LST1: variants seen among roughly 807,000 people sequenced by gnomAD.
The protein encoded by LST1 is leukocyte-specific transcript 1 protein.
Under a neutral mutation model 8.5 loss-of-function variants are expected in LST1, and 9 were observed. The observed-to-expected ratio is 1.06, with a 90% CI of 0.64 to 1.85. The LOEUF is 1.85. Ranked by LOEUF, LST1 falls within the 40% of genes most tolerant of loss-of-function variation. The pLI is 0.00. For synonymous variants in LST1, 53 were observed against 50.4 expected, an observed-to-expected ratio of 1.05 and a Z score of -0.21; for missense variants, 121 against 117.1, an observed-to-expected ratio of 1.03 and a Z score of -0.16.
In LST1 at chr6:31,588,765, G is replaced by A. The variant is rs907656541; in HGVS notation, c.*89G>A. 2.1e-6 allele frequency: 3 copies of A among 1,406,124 alleles called. No individual in the cohort carries two copies. The highest frequency in any genetic ancestry group is 3.0e-6 in the Non-Finnish European group (3 of 991,908). The allele number at this position is 1,406,124 out of a possible 1,614,324, so 87.1% of individuals were successfully genotyped here. A position where few individuals can be genotyped will look rare whatever the true frequency, so the allele number is the denominator to read the frequency against. ...AAAACCATGGTCCCCCCACTTCTGT[G>A]TCTCAGTCCTCTCAGTCCATCTCGA... On this transcript the variant is annotated 3_prime_UTR_variant, in exon 5 of 5. Transcript: ENST00000438075.
intron 3 of LST1, 89 bp downstream of exon 3, chr6:31,587,822 G>A: frequency 6.6e-7 from 1 of 1,520,724 alleles, no homozygotes; most frequent in Non-Finnish European, 8.9e-7. Flanking sequence ...CCAGAACACT[G>A]CCTGGCCCTG....
At chr6:31,588,029 G>A in intron 4 of LST1, 63 bp downstream of exon 4, 1 of 1,526,046 alleles carries the variant, frequency 6.6e-7, no homozygotes, top group South Asian at 1.2e-5. Context: ...GTGGGGAGAA[G>A]CATGGCTGAG....
intron 4 of LST1, 115 bp from the exon 5 acceptor site, chr6:31,588,377 AGAGAGAGAGAGAGAGAGAGAGAGAGG>A: frequency 1.0e-5 from 5 of 499,960 alleles, no homozygotes; most frequent in Non-Finnish European, 1.7e-5. Context: ...AAGAAAAAAG[AGAGAGAGAGAGAGAGAGAGAGAGAGG>A]GAGAGAGAGA....
At chr6:31,586,697 C>A (rs1771960060) in intron 1 of LST1, 1 of 153,004 alleles carries the variant, frequency 6.5e-6, no homozygotes, top group Admixed American at 6.5e-5. Context: ...CCTCCATGCC[C>A]CACTTCAGCC....
chr6:31,588,019 G>C, intron 4 of LST1, 53 bp downstream of exon 4: 1 of 1,553,940 alleles, frequency 6.4e-7, no homozygotes, highest in South Asian at 1.2e-5. Context: ...GAGTGGGTGA[G>C]TGGGGAGAAG....
intron 4 of LST1, 40 bp from the exon 5 acceptor site, chr6:31,588,478 C>T (rs533371831): frequency 2.2e-5 from 34 of 1,556,668 alleles, no homozygotes; most frequent in Admixed American, 1.7e-4. Context: ...AAGGATCTGA[C>T]GGCATCGCCT....
chr6:31,587,476 G>T, intron 2 of LST1, 158 bp downstream of exon 2: 1 of 928,624 alleles, frequency 1.1e-6, no homozygotes, highest in South Asian at 1.4e-5. Flanking sequence ...CAGAAACCTG[G>T]TAAGAGGTGA....
At chr6:31,588,150 G>T in intron 4 of LST1, 184 bp downstream of exon 4, 1 of 602,954 alleles carries the variant, frequency 1.7e-6, no homozygotes. Context: ...GAAACCAAGA[G>T]AAAAAGTGAG....
At chr6:31,587,759 C>G (rs1474810327) in intron 3 of LST1, 26 bp downstream of exon 3, 5 of 1,541,494 alleles carry the variant, frequency 3.2e-6, no homozygotes, top group East Asian at 2.4e-5. Flanking sequence ...CCTCCCTCCC[C>G]CTGCAGCAGT....
At position 31,587,319 on chromosome 6, in the gene LST1, G is replaced by T; in HGVS notation, c.19+1G>T. On this transcript the variant is annotated splice_donor_variant, in intron 2 of 4. Coordinates refer to ENST00000438075, the MANE Select transcript of LST1 (RefSeq NM_205839.3). LOFTEE classifies it high-confidence loss of function. Reference sequence around the variant, plus strand: ...GACCTAATGTTATCGCGGAATGATGGTAAGTAAAGTGTCTCTTGCATCTGC... The same window carrying T: ...GACCTAATGTTATCGCGGAATGATGTTAAGTAAAGTGTCTCTTGCATCTGC... 6.2e-7 allele frequency: 1 copy of T among 1,613,306 alleles called. No individual in the cohort carries two copies. Among genetic ancestry groups the T allele is most frequent in the South Asian group, 1.1e-5 (1 of 91,064 alleles).
Position 31,587,333 on chromosome 6 carries a change from T to C in LST1, c.19+15T>C, listed in dbSNP as rs908657457. On this transcript the variant is annotated intron_variant, in intron 2 of 4. Coordinates refer to ENST00000438075, the MANE Select transcript of LST1 (RefSeq NM_205839.3). ...GCGGAATGATGGTAAGTAAAGTGTC[T>C]CTTGCATCTGCATAGAGAGAGTCCT... The C allele has an allele frequency of 1.2e-6, 2 of 1,613,238 alleles. No homozygotes were observed. Among genetic ancestry groups the C allele is most frequent in the African/African-American group, 1.3e-5 (1 of 74,864 alleles).
intron 2 of LST1, 53 bp from the exon 3 acceptor site, chr6:31,587,588 G>A (rs1215872988): frequency 8.7e-7 from 1 of 1,148,176 alleles, no homozygotes; most frequent in Non-Finnish European, 1.3e-6. Flanking sequence ...CAGGAGGCTG[G>A]GGTACGCTGG....
At chr6:31,588,393 A>AGAGAGG (rs1772225230) in intron 4 of LST1, 125 bp from the exon 5 acceptor site, 1 of 941,074 alleles carries the variant, frequency 1.1e-6, no homozygotes, top group Non-Finnish European at 1.6e-6. Context: ...AGAGAGAGAG[A>AGAGAGG]GAGAGAGAGG....
At chr6:31,587,871 G>A (rs1772122174) in intron 3 of LST1, 73 bp from the exon 4 acceptor site, 4 of 1,573,192 alleles carry the variant, frequency 2.5e-6, no homozygotes, top group Admixed American at 3.6e-5. Flanking sequence ...CACGCCTGCT[G>A]GTGGGGGGAG....
At position 31,587,955 on chromosome 6, in the gene LST1, G is replaced by C; in HGVS notation, c.124G>C (p.Glu42Gln). Residue 42 changes from glutamate (E) to glutamine (Q), a missense_variant, in exon 4 of 5, where the codon GAG (glutamate) becomes CAG (glutamine). Coordinates refer to ENST00000438075, the MANE Select transcript of LST1 (RefSeq NM_205839.3). ...TTCTTTTCTTCCAGTAAAGAGGCTGGAGAGGAGCTGGGTGAGTCTGGGGAC... is the reference window on the plus strand; with the variant it reads ...TTCTTTTCTTCCAGTAAAGAGGCTGCAGAGGAGCTGGGTGAGTCTGGGGAC... ...CWLHRRVKRL[E>Q]RSWAQGSSEQ... The C allele has an allele frequency of 1.9e-6, 3 of 1,610,496 alleles. No homozygotes were observed. The highest frequency in any genetic ancestry group is 1.7e-6 in the Non-Finnish European group (2 of 1,178,678).
In LST1 at chr6:31,588,788, C is replaced by G. The variant is rs759040854; in HGVS notation, c.*112C>G. 8.1e-7 allele frequency: 1 copy of G among 1,228,996 alleles called. No homozygotes were observed. Among genetic ancestry groups the G allele is most frequent in the African/African-American group, 1.5e-5 (1 of 67,240 alleles). 76.1% of individuals were successfully genotyped at this position (1,228,996 alleles called of 1,614,324 possible). A position where few individuals can be genotyped will look rare whatever the true frequency, so the allele number is the denominator to read the frequency against. On this transcript the variant is annotated 3_prime_UTR_variant, in exon 5 of 5. Transcript: ENST00000438075. ...GTGTCTCAGTCCTCTCAGTCCATCT[C>G]GAGCCTCCGTTCAAATTGATCATCA...
chr6:31,588,525 G>A lies in LST1; in HGVS notation c.143G>A (p.Gly48Asp). The change falls in exon 5 of 5, where the codon GGC (glycine) becomes GAC (aspartate). Residue 48 changes from glycine to aspartate, a missense_variant. Gly to Asp is a moderately conservative substitution (Grantham distance 94, BLOSUM62 -1). Coordinates refer to ENST00000438075, the MANE Select transcript of LST1 (RefSeq NM_205839.3). ...CTTCTGTCCTGGTCCCAGGCCCAGGGCTCCTCAGAGCAGGAACTCCACTAT... is the reference window on the plus strand; with the variant it reads ...CTTCTGTCCTGGTCCCAGGCCCAGGACTCCTCAGAGCAGGAACTCCACTAT... ...VKRLERSWAQ[G>D]SSEQELHYAS... 2 of 1,603,984 alleles carry A rather than the reference G, an allele frequency of 1.2e-6. No homozygotes were observed. Among genetic ancestry groups the A allele is most frequent in the Non-Finnish European group, 1.7e-6 (2 of 1,175,710 alleles).
In LST1 at chr6:31,587,745, ACTCC is replaced by A. The variant is rs1309423272; in HGVS notation, c.112+22_112+25del. ...GCTGCATCGAAGAGGTGAGCGCTGC[ACTCC>A]CTCCCTCCCCCTGCAGCAGTGCCCC... On this transcript the variant is annotated intron_variant, in intron 3 of 4. Coordinates refer to ENST00000438075, the MANE Select transcript of LST1 (RefSeq NM_205839.3). The A allele has an allele frequency of 5.1e-6, 8 of 1,570,730 alleles. No individual in the cohort carries two copies. Among genetic ancestry groups the A allele is most frequent in the East Asian group, 2.3e-5 (1 of 43,460 alleles).
In LST1 at chr6:31,587,677, T is replaced by C. The variant is rs781764538; in HGVS notation, c.56T>C (p.Leu19Pro). The change falls in exon 3 of 5, where the codon CTC becomes CCC. Residue 19 changes from leucine (L) to proline (P), a missense_variant. Physicochemically the swap from Leu to Pro is moderately conservative, Grantham distance 98. Coordinates refer to ENST00000438075, the MANE Select transcript of LST1 (RefSeq NM_205839.3). ...CIYGGLGLGGLLLLAVVLLSA... is the reference protein window; with the variant it reads ...CIYGGLGLGGPLLLAVVLLSA... ...TACGGGGGCCTGGGGCTGGGCGGGC[T>C]CCTGCTTCTGGCAGTGGTCCTTCTG... The C allele has an allele frequency of 6.2e-7, 1 of 1,603,778 alleles. No homozygotes were observed. The highest frequency in any genetic ancestry group is 8.5e-7 in the Non-Finnish European group (1 of 1,176,292).
Sources: allele counts gnomAD v4.1 joint callset, GRCh38; gene constraint gnomAD v4.1.1; transcripts MANE v1.5; gene names NCBI Gene and HGNC (gene_info 2026-07-23, HGNC 2026-07-21).